SCNN1D: variants seen among roughly 807,000 people sequenced by gnomAD.
SCNN1D encodes epithelial sodium channel subunit delta.
SCNN1D carries 104 observed loss-of-function variants against 87.8 expected under a neutral mutation model. That is an observed-to-expected ratio of 1.18 (90% CI 1.01 to 1.39). SCNN1D has a LOEUF of 1.39. Among genes scored for constraint, SCNN1D ranks in the 40% most tolerant of loss-of-function variants. The probability of loss-of-function intolerance (pLI) is 0.00; values close to 1 mark genes in which losing one functional copy is unlikely to be tolerated. For synonymous variants in SCNN1D, 628 were observed against 481.2 expected, an observed-to-expected ratio of 1.31 and a Z score of -3.99; for missense variants, 1,324 against 1,093.9, an observed-to-expected ratio of 1.21 and a Z score of -2.97.
intron 12 of SCNN1D, among the ~76,000 whole-genome samples, chr1:1,288,280 AG>A (rs1640666920): frequency 4.4e-5 from 1 of 22,970 alleles, no homozygotes; most frequent in East Asian, 3.4e-3. Flanking sequence ...CCGTCCCCCG[AG>A]TCTCTGCTCC....
chr1:1,281,010 G>C, intron 1 of SCNN1D: 1 of 595,084 alleles, frequency 1.7e-6, no homozygotes, highest in East Asian at 2.8e-5. Flanking sequence ...CACCTGCCTG[G>C]GTGCAGGACC....
In SCNN1D at chr1:1,281,469, C is replaced by T. The variant is rs1640469618; in HGVS notation, c.136C>T (p.Pro46Ser). ...RTPTCRELGS[P>S]HPTPCTGPAR... ...CCCCACATGCCGGGAGCTGGGTTCGCCCCACCCCACCCCCTGCACCGGGCC... is the reference window on the plus strand; with the variant it reads ...CCCCACATGCCGGGAGCTGGGTTCGTCCCACCCCACCCCCTGCACCGGGCC... The change falls in exon 3 of 18, where the codon CCC becomes TCC. Residue 46 changes from proline to serine, a missense_variant. Transcript: ENST00000379116. The T allele has an allele frequency of 6.6e-7, 1 of 1,521,548 alleles. No individual in the cohort carries two copies. The highest frequency in any genetic ancestry group is 2.4e-5 in the East Asian group (1 of 40,834). 94.3% of individuals were successfully genotyped at this position (1,521,548 alleles called of 1,614,324 possible).
chr1:1,282,999 G>C (rs973742568), intron 4 of SCNN1D, among the ~76,000 whole-genome samples: 1 of 152,044 alleles, frequency 6.6e-6, no homozygotes, highest in Non-Finnish European at 1.5e-5. Context: ...TGATCCGCCC[G>C]CCTCGGCCTC....
Position 1,281,468 on chromosome 1 carries a change from G to A in SCNN1D, c.135G>A (p.Ser45=), listed in dbSNP as rs34385715. 20,107 of 1,521,534 alleles carry A rather than the reference G, an allele frequency of 0.013. 181 individuals are homozygous for A. The highest frequency in any genetic ancestry group is 0.015 in the Non-Finnish European group (17,347 of 1,139,174). The allele number at this position is 1,521,534 out of a possible 1,614,324, so 94.3% of individuals were successfully genotyped here. ...HRTPTCRELG[S]PHPTPCTGPA... is the part of the protein sequence containing the mutation. ...CCCCCACATGCCGGGAGCTGGGTTC[G>A]CCCCACCCCACCCCCTGCACCGGGC... is the stretch of plus-strand genomic sequence containing the variant. Residue 45 remains serine (S), a synonymous_variant, in exon 3 of 18, where the codon TCG becomes TCA. Coordinates refer to ENST00000379116, the MANE Select transcript of SCNN1D (RefSeq NM_001130413.4).
chr1:1,286,371 C>T (rs112140836), intron 7 of SCNN1D, 93 bp downstream of exon 7: 26 of 1,030,590 alleles, frequency 2.5e-5, no homozygotes, highest in African/African-American at 1.4e-4. Context: ...CCCCTGTAGC[C>T]GAGGAGGGGG....
rs548514431 is a variant in SCNN1D, at chr1:1,281,286, C to G, written c.66C>G (p.Ser22Arg). ...LPRYLWPGHL[S>R]GPRRLTWSWC... ...GTTACCTGTGGCCCGGCCACCTCAG[C>G]GGCCCAAGGAGGTGAGCTCACAGCC... Residue 22 changes from serine to arginine, a missense_variant, in exon 2 of 18, where the codon AGC becomes AGG. Transcript: ENST00000379116. 6.5e-7 allele frequency: 1 copy of G among 1,535,778 alleles called. No homozygotes were observed. Among genetic ancestry groups the G allele is most frequent in the South Asian group, 1.2e-5 (1 of 84,068 alleles).
chr1:1,285,746 C>T (rs762789358), intron 6 of SCNN1D, 82 bp downstream of exon 6: 64 of 1,268,082 alleles, frequency 5.0e-5, no homozygotes, highest in East Asian at 1.8e-4. Flanking sequence ...TACACTGAGA[C>T]GTGTCAGGGA....
At position 1,287,760 on chromosome 1, in the gene SCNN1D, G is replaced by T. The variant is rs145486526; in HGVS notation, c.1487G>T (p.Arg496Leu). The change falls in exon 11 of 18, where the codon CGT becomes CTT. Residue 496 changes from arginine to leucine, a missense_variant. Coordinates refer to ENST00000379116, the MANE Select transcript of SCNN1D (RefSeq NM_001130413.4). ...GGCATCAGGGTCATGGTTCACGGCC[G>T]TAACCACACGCCCTTCCTGGGGCAC... ...LAGIRVMVHG[R>L]NHTPFLGHHS... 3.1e-6 allele frequency: 5 copies of T among 1,601,108 alleles called. No homozygotes were observed. The highest frequency in any genetic ancestry group is 3.4e-6 in the Non-Finnish European group (4 of 1,174,434).
chr1:1,281,361 A>C, intron 2 of SCNN1D, 50 bp from the exon 3 acceptor site: 1 of 1,533,192 alleles, frequency 6.5e-7, no homozygotes, highest in Non-Finnish European at 8.7e-7. Context: ...GAGCAGAGGC[A>C]TGGGCCCAAA....
rs2100322620 is a variant in SCNN1D at position 1,285,664 on chromosome 1, G to A, written c.558G>A (p.Gln186=). The part of the protein sequence containing the change: ...TQHNAACKQG[Q]AAAQTPPRPG... ...ACAACGCTGCCTGCAAACAGGGCCAGGTAGGGCCTGAGCACCCTGTTCTCT... is the reference window on the plus strand; with the variant it reads ...ACAACGCTGCCTGCAAACAGGGCCAAGTAGGGCCTGAGCACCCTGTTCTCT... The change falls in exon 6 of 18, where the codon CAG becomes CAA. Residue 186 remains glutamine (Q), a splice_region_variant and synonymous_variant. Transcript: ENST00000379116. 1 of 1,537,534 alleles carries A rather than the reference G, an allele frequency of 6.5e-7. No individual in the cohort carries two copies. The highest frequency in any genetic ancestry group is 1.7e-4 in the Middle Eastern group (1 of 5,912).
intron 12 of SCNN1D, among the ~76,000 whole-genome samples, 173 bp downstream of exon 12, chr1:1,288,210 T>TGCTCCGTCCCGTGTCC (rs1557584098): frequency 8.3e-5 from 12 of 143,920 alleles, no homozygotes; most frequent in South Asian, 2.3e-4. Flanking sequence ...TCCCTGTGTC[T>TGCTCCGTCCCGTGTCC]CTGCTCCGTC....
At chr1:1,282,142 A>G (rs1640482653) in intron 3 of SCNN1D, 100 bp from the exon 4 acceptor site, 1 of 720,438 alleles carries the variant, frequency 1.4e-6, no homozygotes, top group Admixed American at 2.3e-5. Context: ...GAGCTTGGAG[A>G]GGCACCCCAG....
chr1:1,287,963 C>T lies in SCNN1D; in HGVS notation c.1588C>T (p.Pro530Ser). The T allele has an allele frequency of 2.6e-6, 4 of 1,546,186 alleles. No homozygotes were observed. Among genetic ancestry groups the T allele is most frequent in the African/African-American group, 1.4e-5 (1 of 72,932 alleles). Residue 530 changes from proline (P) to serine (S), a missense_variant, in exon 12 of 18, where the codon CCC becomes TCC. By Grantham distance (74) the Pro-to-Ser change is moderately conservative (BLOSUM62 -1). Coordinates refer to ENST00000379116, the MANE Select transcript of SCNN1D (RefSeq NM_001130413.4). ...GGACGAGGTGCACCGGCTCGGGAGC[C>T]CCTACGGCCACTGCACCGCCGGCGG... Reference protein sequence around the residue: ...REDEVHRLGSPYGHCTAGGEG... With the variant: ...REDEVHRLGSSYGHCTAGGEG...
intron 3 of SCNN1D, 108 bp downstream of exon 3, chr1:1,281,718 G>A (rs1640475223): frequency 2.9e-6 from 3 of 1,029,824 alleles, no homozygotes; most frequent in African/African-American, 1.6e-5. Context: ...GCCCTGCAGG[G>A]CATACGGGTC....
chr1:1,281,659 G>A (rs1360499246), intron 3 of SCNN1D, 49 bp downstream of exon 3: 5 of 1,484,412 alleles, frequency 3.4e-6, no homozygotes, highest in South Asian at 1.2e-5. Flanking sequence ...GAGGGGAGGG[G>A]GGTGGAGCCG....
In SCNN1D at chr1:1,284,071, G is replaced by T. The variant is rs764040424; in HGVS notation, c.445G>T (p.Gly149Trp). Reference protein sequence around the residue: ...AWTGEWKQPHGGALTSRSPGP... With the variant: ...AWTGEWKQPHWGALTSRSPGP... The stretch of plus-strand genomic sequence containing the variant: ...GACGGGAGAATGGAAGCAGCCACAC[G>T]GGGGGGCTCTCACCTCCAGGTACCG... The change falls in exon 5 of 18, where the codon GGG becomes TGG. Residue 149 changes from glycine (G) to tryptophan (W), a missense_variant. Physicochemically the swap from Gly to Trp is radical, Grantham distance 184 (BLOSUM62 -2). Coordinates refer to ENST00000379116, the MANE Select transcript of SCNN1D (RefSeq NM_001130413.4). 19 of 1,192,974 alleles carry T rather than the reference G, an allele frequency of 1.6e-5. No individual in the cohort carries two copies. The highest frequency in any genetic ancestry group is 2.2e-4 in the Middle Eastern group (1 of 4,642). The allele number at this position is 1,192,974 out of a possible 1,614,324, so 73.9% of individuals were successfully genotyped here.
rs563851204 is a variant in SCNN1D at position 1,290,375 on chromosome 1, G to A, written c.1767G>A (p.Arg589=). ...GGGCTGAGTACTGCAGCTCTGCCCG[G>A]CACCCTGCCTGGGGTGAGTCCTGCT... ...PAGAEYCSSA[R]HPAWGHCFYR... Residue 589 remains arginine, a synonymous_variant, in exon 13 of 18, where the codon CGG becomes CGA. Transcript: ENST00000379116. The A allele has an allele frequency of 2.5e-6, 4 of 1,601,360 alleles. No homozygotes were observed. Among genetic ancestry groups the A allele is most frequent in the African/African-American group, 1.3e-5 (1 of 74,920 alleles).
chr1:1,291,644 C>T lies in SCNN1D; in HGVS notation c.*34C>T. 1.4e-6 allele frequency: 2 copies of T among 1,449,014 alleles called. No homozygotes were observed. The highest frequency in any genetic ancestry group is 2.8e-5 in the South Asian group (2 of 71,386). The allele number at this position is 1,449,014 out of a possible 1,614,324, so 89.8% of individuals were successfully genotyped here. ...TGCCAGGGCTGTGCGATCTCTTGGC[C>T]TGGTCCTTGCAGCTGTGGCAGCAGC... is the stretch of plus-strand genomic sequence containing the variant. On this transcript the variant is annotated 3_prime_UTR_variant, in exon 18 of 18. Coordinates refer to ENST00000379116, the MANE Select transcript of SCNN1D (RefSeq NM_001130413.4).
rs768038568 is a variant in SCNN1D at position 1,286,090 on chromosome 1, C to T, written c.723C>T (p.Cys241=). 8.1e-6 allele frequency: 13 copies of T among 1,607,822 alleles called. No individual in the cohort carries two copies. In the Admixed American group the frequency reaches 2.2e-4, roughly 27 times the overall value. The stretch of plus-strand genomic sequence containing the variant: ...TCCACGGCGCCATCCGCCTGGTCTG[C>T]TCCCGCGGGAACCGCCTCAAGACGA... ...ATIHGAIRLV[C]SRGNRLKTTS... The change falls in exon 7 of 18, where the codon TGC becomes TGT. Residue 241 remains cysteine, a synonymous_variant. Coordinates refer to ENST00000379116, the MANE Select transcript of SCNN1D (RefSeq NM_001130413.4).
Sources: gnomAD v4.1 joint callset for allele counts (sites outside exome capture counted in the v4.1 genomes callset) on GRCh38, gnomAD v4.1.1 for gene constraint, MANE v1.5 for transcripts, NCBI Gene and HGNC (gene_info 2026-07-23, HGNC 2026-07-21) for gene names.